ANO6: variants seen among roughly 807,000 people sequenced by gnomAD.
The protein encoded by ANO6 is anoctamin 6.
A neutral mutation model predicts 117.5 loss-of-function variants in ANO6; 106 were observed. That is an observed-to-expected ratio of 0.90 (90% CI 0.77 to 1.06). The LOEUF is 1.06. Among genes scored for constraint, ANO6 ranks in the 50% least tolerant of loss-of-function variants. ANO6 has a pLI of 0.00. For missense variants in ANO6, 955 were observed against 1,121.1 expected, an observed-to-expected ratio of 0.85 and a Z score of 2.12; for synonymous variants, 367 against 385.1, an observed-to-expected ratio of 0.95 and a Z score of 0.55.
intron 1 of ANO6, among the ~76,000 whole-genome samples, chr12:45,270,226 T>C (rs1436299355): frequency 1.3e-5 from 2 of 152,176 alleles, no homozygotes; most frequent in Non-Finnish European, 2.9e-5. Context: ...GAGCCATTCT[T>C]TTTAGAAGGT....
intron 1 of ANO6, among the ~76,000 whole-genome samples, chr12:45,228,662 C>A (rs1947526879): frequency 6.6e-6 from 1 of 152,126 alleles, no homozygotes; most frequent in African/African-American, 2.4e-5. Context: ...ACGGAGGAAT[C>A]TTTCAGAGCT....
At chr12:45,338,523 T>C (rs1940890593) in intron 3 of ANO6, among the ~76,000 whole-genome samples, 1 of 152,094 alleles carries the variant, frequency 6.6e-6, no homozygotes, top group South Asian at 2.1e-4. Context: ...TGGCAGGTGT[T>C]CTGTCTTTTG....
chr12:45,366,594 C>T (rs1263958456), intron 8 of ANO6, among the ~76,000 whole-genome samples: 2 of 152,148 alleles, frequency 1.3e-5, no homozygotes, highest in African/African-American at 4.8e-5. Context: ...TTCTGTTGGT[C>T]AATTTTTCTT....
At chr12:45,435,314 G>T (rs1172882866), downstream of ANO6, among the ~76,000 whole-genome samples, 3 of 152,158 alleles carry the variant, frequency 2.0e-5, no homozygotes, top group African/African-American at 7.2e-5. Context: ...CACTTTAGCT[G>T]CTGCACCTAA....
chr12:45,315,277 A>C (rs1253834216), intron 2 of ANO6, among the ~76,000 whole-genome samples: 1 of 152,024 alleles, frequency 6.6e-6, no homozygotes, highest in Non-Finnish European at 1.5e-5. Context: ...GCTCATGGCT[A>C]CTGTGTGGGA....
intron 8 of ANO6, among the ~76,000 whole-genome samples, chr12:45,367,227 C>A (rs901680260): frequency 6.6e-6 from 1 of 152,162 alleles, no homozygotes; most frequent in Non-Finnish European, 1.5e-5. Flanking sequence ...GGTGATTCAC[C>A]CACCTCGGCC....
At chr12:45,396,187 A>G (rs996368813) in intron 12 of ANO6, among the ~76,000 whole-genome samples, 31 of 152,190 alleles carry the variant, frequency 2.0e-4, no homozygotes, top group African/African-American at 7.2e-4. Context: ...AAGCACTCCT[A>G]TACACCATTA....
exon 20 of ANO6, chr12:45,440,291 G>C (rs1943756526): frequency 3.2e-5 from 5 of 156,872 alleles, no homozygotes; most frequent in African/African-American, 1.2e-4. Flanking sequence ...CCAGGCTGGA[G>C]TGCAGTGGCG....
At chr12:45,398,791 T>C (rs1196089038) in intron 12 of ANO6, among the ~76,000 whole-genome samples, 1 of 152,242 alleles carries the variant, frequency 6.6e-6, no homozygotes, top group East Asian at 1.9e-4. Flanking sequence ...TGGTTTTAAA[T>C]ATGCATACAA....
intron 2 of ANO6, among the ~76,000 whole-genome samples, chr12:45,320,817 A>T (rs188430366): frequency 3.9e-4 from 60 of 152,258 alleles, no homozygotes; most frequent in Non-Finnish European, 7.6e-4. Context: ...TTGGGTGGAT[A>T]TATATTTAGG....
At chr12:45,388,138 A>T in intron 10 of ANO6, 23 bp from the exon 11 acceptor site, 1 of 1,613,532 alleles carries the variant, frequency 6.2e-7, no homozygotes, top group East Asian at 2.2e-5. Context: ...AAATCCACAC[A>T]AGCTCTTCTG....
intron 19 of ANO6, among the ~76,000 whole-genome samples, chr12:45,426,264 A>C (rs1223642401): frequency 6.6e-6 from 1 of 152,226 alleles, no homozygotes; most frequent in Admixed American, 6.5e-5. Flanking sequence ...CATATCTATA[A>C]ATATTCCCTA....
intron 1 of ANO6, among the ~76,000 whole-genome samples, chr12:45,221,514 T>A (rs894998519): frequency 1.3e-5 from 2 of 152,142 alleles, no homozygotes; most frequent in Non-Finnish European, 2.9e-5. Flanking sequence ...ATTTTGGGTT[T>A]TACTCTGTAT....
intron 15 of ANO6, among the ~76,000 whole-genome samples, chr12:45,404,245 T>C (rs1006596067): frequency 2.0e-5 from 3 of 152,192 alleles, no homozygotes; most frequent in African/African-American, 4.8e-5. Flanking sequence ...TCCTAAAAAA[T>C]GAGAACAACA....
intron 1 of ANO6, among the ~76,000 whole-genome samples, chr12:45,237,526 T>A (rs1377489076): frequency 1.3e-5 from 2 of 152,128 alleles, no homozygotes; most frequent in Admixed American, 6.5e-5. Flanking sequence ...CAAAGATCAG[T>A]TGGTTGTAGA....
intron 17 of ANO6, among the ~76,000 whole-genome samples, chr12:45,420,340 G>C (rs1030204612): frequency 3.9e-5 from 6 of 152,068 alleles, no homozygotes; most frequent in African/African-American, 7.3e-5. Flanking sequence ...AGTCTTCTAG[G>C]CTGAGATCAG....
rs1943627712 is a variant in ANO6, at chr12:45,431,323, C to T, written c.*2012C>T. ...TCTGGAAGCGGGTGTCACTTCCTCT[C>T]TAGTACCTCTTCTCTTCTCTGAAGT... On this transcript the variant is annotated 3_prime_UTR_variant, in exon 20 of 20. Coordinates refer to ENST00000320560, the MANE Select transcript of ANO6 (RefSeq NM_001025356.3). 2.0e-6 allele frequency: 2 copies of T among 985,292 alleles called. No homozygotes were observed. Among genetic ancestry groups the T allele is most frequent in the African/African-American group, 3.5e-5 (2 of 57,246 alleles). 61.0% of individuals were successfully genotyped at this position (985,292 alleles called of 1,614,324 possible).
intron 19 of ANO6, among the ~76,000 whole-genome samples, chr12:45,439,348 C>G (rs991609593): frequency 2.6e-5 from 4 of 152,190 alleles, no homozygotes; most frequent in African/African-American, 9.7e-5. Context: ...CATATCAAAA[C>G]ACTGCATCGA....
chr12:45,358,899 C>T (rs772781249), intron 8 of ANO6, among the ~76,000 whole-genome samples: 3 of 152,036 alleles, frequency 2.0e-5, no homozygotes, highest in African/African-American at 7.2e-5. Context: ...AGTCTCCTGC[C>T]TCAGCCTCCT....
Sources: gnomAD v4.1 joint callset for allele counts (sites outside exome capture counted in the v4.1 genomes callset) on GRCh38, gnomAD v4.1.1 for gene constraint, MANE v1.5 for transcripts, NCBI Gene and HGNC (gene_info 2026-07-23, HGNC 2026-07-21) for gene names.